FCRL6: variants seen among roughly 807,000 people sequenced by gnomAD.
The protein encoded by FCRL6 is Fc receptor-like protein 6.
FCRL6 carries 50 observed loss-of-function variants against 49.1 expected under a neutral mutation model. The observed-to-expected ratio is 1.02, with a 90% CI of 0.81 to 1.29. The LOEUF (loss-of-function observed/expected upper bound fraction) is 1.29, where lower values mean the gene tolerates loss of function less well. Ranked by LOEUF, FCRL6 falls within the 50% of genes most tolerant of loss-of-function variation. The pLI, the probability that FCRL6 is intolerant of heterozygous loss-of-function variation, is 0.00. For synonymous variants in FCRL6, 213 were observed against 199.6 expected (o/e 1.07, Z -0.57); for missense variants, 571 against 518.5 (o/e 1.10, Z -0.98).
In FCRL6 at chr1:159,808,440, C is replaced by T. The variant is rs575326015; in HGVS notation, c.315C>T (p.Val105=). The T allele has an allele frequency of 4.3e-6, 7 of 1,614,168 alleles. No homozygotes were observed. The highest frequency in any genetic ancestry group is 2.2e-5 in the East Asian group (1 of 44,884). The change falls in exon 3 of 10, where the codon GTC becomes GTT. Residue 105 remains valine, a synonymous_variant. Transcript: ENST00000368106. ...CTTCAGAGACTGCCATGGTTCAAGT[C>T]CAAGGTGAGTCACCAGCTTGGGAGT... ...TQTSETAMVQ[V]QELFPPPVLS...
chr1:159,814,375 A>ACCACTTTT, intron 8 of FCRL6, 83 bp downstream of exon 8: 1 of 960,588 alleles, frequency 1.0e-6, no homozygotes, highest in Non-Finnish European at 1.7e-6. Context: ...CACTGTCATT[A>ACCACTTTT]CCACTTTTAT....
intron 1 of FCRL6, among the ~76,000 whole-genome samples, chr1:159,805,576 T>G (rs1662625609): frequency 6.6e-6 from 1 of 152,250 alleles, no homozygotes. Flanking sequence ...TTCAAACCTA[T>G]CTAACCATAT....
upstream of FCRL6, among the ~76,000 whole-genome samples, chr1:159,801,493 A>T (rs950512649): frequency 3.9e-5 from 6 of 152,150 alleles, no homozygotes; most frequent in Non-Finnish European, 8.8e-5. Flanking sequence ...CCTTATTCTT[A>T]TGGAAGGTGT....
At chr1:159,807,001 A>T (rs1002009141) in intron 2 of FCRL6, among the ~76,000 whole-genome samples, 7 of 152,166 alleles carry the variant, frequency 4.6e-5, no homozygotes, top group Admixed American at 2.0e-4. Flanking sequence ...TCTGCTGATC[A>T]GTCTTCCTTC....
At position 159,809,385 on chromosome 1, in the gene FCRL6, C is replaced by T. The variant is rs1571103516; in HGVS notation, c.605-17C>T. 1 of 1,576,084 alleles carries T rather than the reference C, an allele frequency of 6.3e-7. No individual in the cohort carries two copies. The highest frequency in any genetic ancestry group is 1.3e-5 in the African/African-American group (1 of 74,452). ...CTGGGTGGTCAGGCTGAGCCTCCCA[C>T]CCCATGTGTGTCCCAGCTCCTGTAT... is the stretch of plus-strand genomic sequence containing the variant. On this transcript the variant is annotated splice_polypyrimidine_tract_variant and intron_variant, in intron 4 of 9. Coordinates refer to ENST00000368106, the MANE Select transcript of FCRL6 (RefSeq NM_001004310.3).
At chr1:159,802,991 A>T (rs181528922) in intron 1 of FCRL6, among the ~76,000 whole-genome samples, 28 of 152,326 alleles carry the variant, frequency 1.8e-4, no homozygotes, top group Admixed American at 1.5e-3. Context: ...CACCTGGTTG[A>T]AAGGCCTGTG....
upstream of FCRL6, among the ~76,000 whole-genome samples, chr1:159,801,806 C>T (rs1426420910): frequency 6.6e-6 from 1 of 152,188 alleles, no homozygotes; most frequent in Non-Finnish European, 1.5e-5. Context: ...TACTGACAGT[C>T]TTAAAAGCCT....
Position 159,809,078 on chromosome 1 carries a change from T to C in FCRL6, c.437T>C (p.Leu146Pro), listed in dbSNP as rs776597224. 1.2e-6 allele frequency: 2 copies of C among 1,613,968 alleles called. No homozygotes were observed. The highest frequency in any genetic ancestry group is 2.2e-5 in the South Asian group (2 of 91,076). ...LHPLRSALRL[L>P]FSFHKDGHTL... is the part of the protein sequence containing the mutation. ...CCCCTGAGGTCAGCCTTGAGGCTCC[T>C]TTTCTCCTTCCACAAGGACGGCCAC... The change falls in exon 4 of 10, where the codon CTT (leucine) becomes CCT (proline). Residue 146 changes from leucine to proline, a missense_variant. By Grantham distance (98) the Leu-to-Pro change is moderately conservative (BLOSUM62 -3). Coordinates refer to ENST00000368106, the MANE Select transcript of FCRL6 (RefSeq NM_001004310.3).
upstream of FCRL6, chr1:159,802,314 C>G: frequency 8.4e-7 from 1 of 1,187,908 alleles, no homozygotes; most frequent in Non-Finnish European, 1.2e-6. Flanking sequence ...ATAGCACCAC[C>G]CAGCTCAGGC....
chr1:159,815,657 G>A lies in FCRL6; in HGVS notation c.1301G>A (p.Cys434Tyr), dbSNP rs149410080. 62 of 1,614,046 alleles carry A rather than the reference G, an allele frequency of 3.8e-5. No individual in the cohort carries two copies. In the African/African-American group the frequency reaches 7.6e-4, roughly 20 times the overall value. ...CTTAGCGACTGTGAGGAGGTTCTCT[G>A]CTAGTGATGGTGTTCTCCTATCAAC... Reference protein sequence around the residue: ...EPLSDCEEVLC With the variant: ...EPLSDCEEVLY The change falls in exon 10 of 10, where the codon TGC becomes TAC. Residue 434 changes from cysteine (C) to tyrosine (Y), a missense_variant. Physicochemically the swap from Cys to Tyr is radical, Grantham distance 194. Transcript: ENST00000368106.
intron 8 of FCRL6, 53 bp from the exon 9 acceptor site, chr1:159,815,375 T>C (rs1438284011): frequency 1.0e-5 from 16 of 1,586,394 alleles, no homozygotes; most frequent in Non-Finnish European, 6.0e-6. Flanking sequence ...GGGAAGGAGA[T>C]GTACTTGCTG....
intron 7 of FCRL6, among the ~76,000 whole-genome samples, 195 bp downstream of exon 7, chr1:159,813,749 G>A (rs1034597429): frequency 6.6e-6 from 1 of 152,234 alleles, no homozygotes; most frequent in Non-Finnish European, 1.5e-5. Context: ...GGGTGGGAAG[G>A]GAGCCAGGGC....
chr1:159,808,080 T>C (rs1662814704), intron 2 of FCRL6, 98 bp from the exon 3 acceptor site: 6 of 1,403,812 alleles, frequency 4.3e-6, no homozygotes, highest in Non-Finnish European at 5.9e-6. Flanking sequence ...TCCAAGGGCC[T>C]CCATCCCCAG....
At chr1:159,809,930 C>T (rs1662992135) in intron 5 of FCRL6, among the ~76,000 whole-genome samples, 164 bp from the exon 6 acceptor site, 1 of 152,218 alleles carries the variant, frequency 6.6e-6, no homozygotes, top group Non-Finnish European at 1.5e-5. Flanking sequence ...CACCATCATC[C>T]TTGCTGCCAT....
chr1:159,813,312 T>C (rs567300011), intron 6 of FCRL6, among the ~76,000 whole-genome samples, 177 bp from the exon 7 acceptor site: 1 of 152,260 alleles, frequency 6.6e-6, no homozygotes, highest in East Asian at 1.9e-4. Flanking sequence ...AGGGTATTTT[T>C]CAAAGGAAAC....
upstream of FCRL6, chr1:159,802,344 C>G: frequency 6.3e-7 from 1 of 1,574,938 alleles, no homozygotes; most frequent in Non-Finnish European, 8.7e-7. Flanking sequence ...ACCTTCGGTC[C>G]TGAGGCCTGG....
chr1:159,813,469 C>T lies in FCRL6; in HGVS notation c.1010-20C>T. 1 of 1,610,168 alleles carries T rather than the reference C, an allele frequency of 6.2e-7. No individual in the cohort carries two copies. The highest frequency in any genetic ancestry group is 8.5e-7 in the Non-Finnish European group (1 of 1,176,446). On this transcript the variant is annotated intron_variant, in intron 6 of 9. Coordinates refer to ENST00000368106, the MANE Select transcript of FCRL6 (RefSeq NM_001004310.3). ...GCCCTCTAAGGGACACCCAGTGAATCATGCCCTTGTATCTCCTAGGGCCCC... is the reference window on the plus strand; with the variant it reads ...GCCCTCTAAGGGACACCCAGTGAATTATGCCCTTGTATCTCCTAGGGCCCC...
chr1:159,804,500 C>T (rs1035042415), intron 1 of FCRL6, among the ~76,000 whole-genome samples: 7 of 152,232 alleles, frequency 4.6e-5, no homozygotes, highest in African/African-American at 1.4e-4. Context: ...TTGACCATAG[C>T]TCTTGGCCAC....
chr1:159,813,927 T>G lies in FCRL6; in HGVS notation c.1076-294T>G, dbSNP rs183187104. Among the ~76,000 whole-genome samples the G allele has an allele frequency of 4.6e-5, 7 of 152,346 alleles. No individual in the cohort carries two copies. In the East Asian group the frequency reaches 1.3e-3, roughly 29 times the overall value. On this transcript the variant is annotated intron_variant, in intron 7 of 9. Coordinates refer to ENST00000368106, the MANE Select transcript of FCRL6 (RefSeq NM_001004310.3). ...TTTCATATTACAGAGTTAACATTTG[T>G]GACAGAGATTATACAGCTCACAAAG...
Sources: gnomAD v4.1 joint callset for allele counts (sites outside exome capture counted in the v4.1 genomes callset) on GRCh38, gnomAD v4.1.1 for gene constraint, MANE v1.5 for transcripts, NCBI Gene and HGNC (gene_info 2026-07-23, HGNC 2026-07-21) for gene names.